Variants in TNRC6C observed in about 807,000 individuals in gnomAD.
TNRC6C encodes trinucleotide repeat containing adaptor 6C.
TNRC6C carries 20 observed loss-of-function variants against 153.7 expected under a neutral mutation model. The ratio of observed to expected loss-of-function variants is 0.13; its 90% CI spans 0.09 to 0.19. TNRC6C has a LOEUF of 0.19. Among genes scored for constraint, TNRC6C ranks in the 10% least tolerant of loss-of-function variants. The pLI is 1.00. For synonymous variants in TNRC6C, 811 were observed against 841.4 expected, an observed-to-expected ratio of 0.96 and a Z score of 0.63; for missense variants, 1,987 against 2,172.0, an observed-to-expected ratio of 0.91 and a Z score of 1.69.
chr17:78,047,037 C>G (rs971291656), intron 2 of TNRC6C, among the ~76,000 whole-genome samples: 3 of 151,898 alleles, frequency 2.0e-5, no homozygotes, highest in Non-Finnish European at 2.9e-5. Flanking sequence ...AGGTTGTTAA[C>G]CCCCTGCTTT....
intron 13 of TNRC6C, among the ~76,000 whole-genome samples, chr17:78,087,928 C>T (rs1214753520): frequency 6.6e-6 from 1 of 152,172 alleles, no homozygotes; most frequent in Non-Finnish European, 1.5e-5. Context: ...TCTGCATGGA[C>T]TAATTTGCCG....
chr17:77,991,349 T>A (rs965900249), intron 1 of TNRC6C, among the ~76,000 whole-genome samples: 3 of 152,224 alleles, frequency 2.0e-5, no homozygotes, highest in Non-Finnish European at 4.4e-5. Context: ...TGGGCAGCCA[T>A]CCACTGGTTC....
chr17:78,061,498 A>G (rs2072767233), intron 3 of TNRC6C, among the ~76,000 whole-genome samples: 1 of 152,198 alleles, frequency 6.6e-6, no homozygotes, highest in Non-Finnish European at 1.5e-5. Context: ...TAGGTAAATT[A>G]TAGTCTTGCC....
chr17:77,997,353 C>G (rs1269353319), intron 1 of TNRC6C, among the ~76,000 whole-genome samples: 2 of 152,146 alleles, frequency 1.3e-5, no homozygotes, highest in East Asian at 1.9e-4. Flanking sequence ...TCTTCACCAC[C>G]CTTCCGAAGT....
In TNRC6C at chr17:78,049,039, A is replaced by G. The variant is rs1316380604; in HGVS notation, c.-24A>G. Reference sequence around the variant, plus strand: ...TACTACAGACACTGACTCTGCCTCCAACTGTGGCTCAGAGAACAGTAGCAT... The same window carrying G: ...TACTACAGACACTGACTCTGCCTCCGACTGTGGCTCAGAGAACAGTAGCAT... On this transcript the variant is annotated 5_prime_UTR_variant, in exon 3 of 20. Coordinates refer to ENST00000301624, the Ensembl canonical transcript of TNRC6C. This position sits in a 1 kb window ranked among gnomAD's most constrained non-coding sequence, Gnocchi z 4.1. 1 of 1,493,140 alleles carries G rather than the reference A, an allele frequency of 6.7e-7. No homozygotes were observed. Among genetic ancestry groups the G allele is most frequent in the Non-Finnish European group, 8.9e-7 (1 of 1,121,752 alleles). The allele number at this position is 1,493,140 out of a possible 1,614,324, so 92.5% of individuals were successfully genotyped here.
At chr17:78,054,911 A>G (rs1238492107) in intron 3 of TNRC6C, among the ~76,000 whole-genome samples, 1 of 151,380 alleles carries the variant, frequency 6.6e-6, no homozygotes, top group Non-Finnish European at 1.5e-5. Context: ...ACTGCGGACT[A>G]CTGTATGCTA....
At chr17:78,010,953 A>C (rs2071617640) in intron 1 of TNRC6C, among the ~76,000 whole-genome samples, 1 of 152,220 alleles carries the variant, frequency 6.6e-6, no homozygotes, top group Non-Finnish European at 1.5e-5. Context: ...GCGGCAAGGA[A>C]GCGGGGCGCT....
At chr17:77,987,071 G>A (rs901552503) in intron 1 of TNRC6C, among the ~76,000 whole-genome samples, 5 of 152,076 alleles carry the variant, frequency 3.3e-5, no homozygotes, top group African/African-American at 1.2e-4. Flanking sequence ...AAAACAAAAG[G>A]CAGACAAAAA....
upstream of TNRC6C, among the ~76,000 whole-genome samples, chr17:78,002,007 C>T (rs776159220): frequency 8.6e-5 from 13 of 151,922 alleles, no homozygotes; most frequent in Non-Finnish European, 1.9e-4. Context: ...TCTTTATTCT[C>T]CTTGCTTCTT....
chr17:78,093,417 G>C, intron 15 of TNRC6C: 1 of 728,144 alleles, frequency 1.4e-6, no homozygotes, highest in Non-Finnish European at 2.2e-6. Context: ...GTGAAAACTA[G>C]CTTAATATGA....
chr17:77,985,545 T>C (rs1289287695), intron 1 of TNRC6C, among the ~76,000 whole-genome samples: 1 of 148,668 alleles, frequency 6.7e-6, no homozygotes, highest in Non-Finnish European at 1.5e-5. Flanking sequence ...GAGGTTGCAG[T>C]GAGCCGAGAT....
chr17:78,057,541 G>A (rs1338367384), intron 3 of TNRC6C, among the ~76,000 whole-genome samples: 2 of 152,242 alleles, frequency 1.3e-5, no homozygotes, highest in African/African-American at 2.4e-5. Context: ...GGCAGCAGCA[G>A]TCTCAGCACC....
chr17:77,977,127 T>C (rs1320017475), intron 1 of TNRC6C, among the ~76,000 whole-genome samples: 2 of 152,080 alleles, frequency 1.3e-5, no homozygotes. Flanking sequence ...GATTACTATA[T>C]ATACGTTTTC....
In TNRC6C at chr17:78,045,537, C is replaced by T. The variant is rs185011653; in HGVS notation, c.-218-3308C>T. 1.5e-3 allele frequency among the ~76,000 whole-genome samples: 221 copies of T among 152,174 alleles called. 1 individual carries two copies. Among genetic ancestry groups the T allele is most frequent in the South Asian group, 2.7e-3 (13 of 4,822 alleles). On this transcript the variant is annotated intron_variant, in intron 2 of 19. Transcript: ENST00000301624. ...CCCTCAGAAGATGGACGTGCTTGTT[C>T]AAAGCAGTCTGGGCTGTACAAGTGC...
rs148754754 is a variant in TNRC6C at position 77,973,644 on chromosome 17, C to A, written c.-38+14376C>A. On this transcript the variant is annotated intron_variant, in intron 1 of 22. Transcript: ENST00000636222. ...AACTAGTAAATAAGTTTAGTAAGGT[C>A]ACAGCTTACAAGACCAGTGTTTGAA... is the stretch of plus-strand genomic sequence containing the variant. 8.6e-3 allele frequency among the ~76,000 whole-genome samples: 1,311 copies of A among 152,304 alleles called. 13 individuals carry two copies. Among genetic ancestry groups the A allele is most frequent in the South Asian group, 0.037 (180 of 4,828 alleles).
intron 13 of TNRC6C, among the ~76,000 whole-genome samples, chr17:78,089,636 A>G (rs2073360052): frequency 6.6e-6 from 1 of 152,142 alleles, no homozygotes; most frequent in African/African-American, 2.4e-5. Context: ...TTCGCCATCT[A>G]GATAGGAAGA....
At chr17:78,067,127 G>C (rs72894083) in intron 4 of TNRC6C, 15,313 of 152,082 alleles carry the variant, frequency 0.1, 844 homozygotes, top group East Asian at 0.18. Context: ...AGGACTACTT[G>C]AGCCCAAGAG....
chr17:78,017,873 C>G (rs547253424), intron 1 of TNRC6C, among the ~76,000 whole-genome samples: 2 of 152,346 alleles, frequency 1.3e-5, no homozygotes, highest in African/African-American at 2.4e-5. Flanking sequence ...CACATACACA[C>G]AGACATACTC....
At position 78,055,841 on chromosome 17, in the gene TNRC6C, G is replaced by T. The variant is rs1183300934; in HGVS notation, c.2395+4384G>T. Among the ~76,000 whole-genome samples the T allele has an allele frequency of 3.3e-5, 5 of 152,190 alleles. 1 individual carries two copies. The East Asian group carries it at 9.6e-4, about 29-fold the overall frequency. On this transcript the variant is annotated intron_variant, in intron 3 of 19. Coordinates refer to ENST00000301624, the Ensembl canonical transcript of TNRC6C. ...GCCTCATTTTACAAATGAGACCTAG[G>T]AGATTAAGTAGCTTTCCAAGGGTAC... is the stretch of plus-strand genomic sequence containing the variant.
Sources: allele counts gnomAD v4.1 joint callset (sites outside exome capture counted in the v4.1 genomes callset), GRCh38; gene constraint gnomAD v4.1.1; non-coding constraint Gnocchi (gnomAD v3.1); transcripts MANE v1.5; gene names NCBI Gene and HGNC (gene_info 2026-07-23, HGNC 2026-07-21).